Variants in FCHO2 observed in about 807,000 individuals in gnomAD.
FCHO2 encodes F-BAR domain only protein 2.
In FCHO2, 43 loss-of-function variants were observed where a neutral mutation model predicts 114.1. The observed-to-expected ratio is 0.38, with a 90% CI of 0.30 to 0.49. The LOEUF (loss-of-function observed/expected upper bound fraction) is 0.49, where lower values mean the gene tolerates loss of function less well. FCHO2 is among the 20% of genes least tolerant of loss of function. The probability of loss-of-function intolerance (pLI) is 0.97; values close to 1 mark genes in which losing one functional copy is unlikely to be tolerated. For synonymous variants in FCHO2, 293 were observed against 315.2 expected (o/e 0.93, Z 0.75); for missense variants, 807 against 950.4 (o/e 0.85, Z 1.98).
rs1404498495 is a variant in FCHO2, at chr5:73,052,393, G to T, written c.1059G>T (p.Lys353Asn). 6.2e-7 allele frequency: 1 copy of T among 1,607,638 alleles called. No individual in the cohort carries two copies. The highest frequency in any genetic ancestry group is 1.3e-5 in the African/African-American group (1 of 74,982). Residue 353 changes from lysine to asparagine, a missense_variant, in exon 13 of 26, where the codon AAG becomes AAT. Transcript: ENST00000430046. ...CTGACTCCGAAGATGAAGAACCAAA[G>T]AAGTATCGGATAGAAATTAAGCCTA... is the stretch of plus-strand genomic sequence containing the variant. ...SDSDSEDEEP[K>N]KYRIEIKPMH...
At chr5:73,061,116 T>C (rs1452330612) in intron 17 of FCHO2, among the ~76,000 whole-genome samples, 1 of 152,018 alleles carries the variant, frequency 6.6e-6, no homozygotes, top group Admixed American at 6.6e-5. Flanking sequence ...GGCAGTTTTA[T>C]CACTGGACAA....
intron 13 of FCHO2, 135 bp from the exon 14 acceptor site, chr5:73,054,025 C>A: frequency 2.0e-6 from 1 of 492,710 alleles, no homozygotes; most frequent in Non-Finnish European, 3.3e-6. Flanking sequence ...TAACTTTTTC[C>A]CACCTGACAG....
chr5:73,059,817 A>G (rs1043768803), intron 17 of FCHO2, among the ~76,000 whole-genome samples: 1 of 151,902 alleles, frequency 6.6e-6, no homozygotes, highest in African/African-American at 2.4e-5. Context: ...AACCATATAT[A>G]TATTATATGA....
chr5:73,078,446 C>A, intron 22 of FCHO2, 134 bp downstream of exon 22: 2 of 846,778 alleles, frequency 2.4e-6, no homozygotes, highest in Non-Finnish European at 3.6e-6. Context: ...ATTAGAAAAT[C>A]TGTTTATAAG....
chr5:72,995,065 A>G (rs1754012604), intron 5 of FCHO2, among the ~76,000 whole-genome samples: 1 of 152,056 alleles, frequency 6.6e-6, no homozygotes. Flanking sequence ...CCCCCGTGAC[A>G]CACAGTTTAC....
At chr5:72,997,426 C>T (rs1283302117) in intron 5 of FCHO2, 1 of 1,599,952 alleles carries the variant, frequency 6.3e-7, no homozygotes, top group Non-Finnish European at 8.6e-7. Flanking sequence ...TCAAGGACCT[C>T]TCTTTGGTCC....
chr5:73,045,069 C>CAAA (rs1756993187), intron 11 of FCHO2, among the ~76,000 whole-genome samples: 1 of 152,192 alleles, frequency 6.6e-6, no homozygotes, highest in Non-Finnish European at 1.5e-5. Flanking sequence ...AATAAAGATG[C>CAAA]ATAGAAGGTT....
rs202027215 is a variant in FCHO2 at position 73,023,844 on chromosome 5, T to G, written c.796+6536T>G. Reference sequence around the variant, plus strand: ...TTTTGTCAGTTCTTAGAAATTTTGCTAACTCAACATATGGGGATTGCTGAA... The same window carrying G: ...TTTTGTCAGTTCTTAGAAATTTTGCGAACTCAACATATGGGGATTGCTGAA... On this transcript the variant is annotated intron_variant, in intron 8 of 25. Coordinates refer to ENST00000430046, the MANE Select transcript of FCHO2 (RefSeq NM_138782.3). 2.6e-5 allele frequency among the ~76,000 whole-genome samples: 4 copies of G among 152,232 alleles called. No homozygotes were observed. The East Asian group carries it at 7.7e-4, about 29-fold the overall frequency.
chr5:72,970,486 A>G (rs1206655370), intron 2 of FCHO2, among the ~76,000 whole-genome samples: 1 of 133,418 alleles, frequency 7.5e-6, no homozygotes, highest in Non-Finnish European at 1.6e-5. Context: ...TTTTTTTTTT[A>G]TTTAGAACTT....
intron 17 of FCHO2, among the ~76,000 whole-genome samples, chr5:73,061,477 A>T (rs1440243538): frequency 6.6e-6 from 1 of 151,860 alleles, no homozygotes; most frequent in African/African-American, 2.4e-5. Context: ...CTTCTTCTTC[A>T]TCTGAACTTG....
At chr5:73,006,168 A>G (rs1035470787) in intron 5 of FCHO2, among the ~76,000 whole-genome samples, 19 of 152,168 alleles carry the variant, frequency 1.2e-4, no homozygotes, top group African/African-American at 4.6e-4. Context: ...TAATTATGCA[A>G]TCTTAGTCTG....
At chr5:73,043,012 A>G (rs1437361378) in intron 11 of FCHO2, among the ~76,000 whole-genome samples, 3 of 152,112 alleles carry the variant, frequency 2.0e-5, no homozygotes, top group Admixed American at 6.5e-5. Flanking sequence ...CACTGTAACC[A>G]TGAACTCCTG....
At chr5:72,979,164 T>A (rs989755100) in intron 2 of FCHO2, among the ~76,000 whole-genome samples, 114 of 152,256 alleles carry the variant, frequency 7.5e-4, no homozygotes, top group African/African-American at 2.6e-3. Flanking sequence ...TTCTATTGTT[T>A]GGAATAGTTT....
intron 6 of FCHO2, among the ~76,000 whole-genome samples, chr5:73,007,566 G>A (rs1754785691): frequency 6.6e-6 from 1 of 152,162 alleles, no homozygotes; most frequent in Non-Finnish European, 1.5e-5. Flanking sequence ...TCTTCATTAT[G>A]TCTTCCCATT....
At chr5:73,074,428 G>A (rs1232378642) in intron 19 of FCHO2, among the ~76,000 whole-genome samples, 1 of 152,004 alleles carries the variant, frequency 6.6e-6, no homozygotes, top group Non-Finnish European at 1.5e-5. Context: ...GTATTTGAAT[G>A]TTTTTGAAGC....
Position 73,088,682 on chromosome 5 carries a change from A to T in FCHO2, c.*592A>T, listed in dbSNP as rs1344693232. 1 of 152,778 alleles carries T rather than the reference A, an allele frequency of 6.5e-6. No homozygotes were observed. Among genetic ancestry groups the T allele is most frequent in the South Asian group, 2.1e-4 (1 of 4,834 alleles). The allele number at this position is 152,778 out of a possible 1,614,324, so 9.5% of individuals were successfully genotyped here. A position where few individuals can be genotyped will look rare whatever the true frequency, so the allele number is the denominator to read the frequency against. On this transcript the variant is annotated 3_prime_UTR_variant, in exon 26 of 26. Transcript: ENST00000430046. ...TAATAAAGTATAAGTGATGTTTTAT[A>T]TGATTTTTAAAAAAAATTCTCAAGT...
Position 73,024,587 on chromosome 5 carries a change from C to T in FCHO2, c.796+7279C>T, listed in dbSNP as rs563897410. Among the ~76,000 whole-genome samples, 10 of 152,060 alleles carry T rather than the reference C, an allele frequency of 6.6e-5. No homozygotes were observed. In the South Asian group the frequency reaches 1.7e-3, roughly 25 times the overall value. On this transcript the variant is annotated intron_variant, in intron 8 of 25. Coordinates refer to ENST00000430046, the MANE Select transcript of FCHO2 (RefSeq NM_138782.3). ...CCGAGTAGCTGGGATTACAGGTGCC[C>T]ACCACCACACCTGGCTAATTTTTGT...
chr5:73,036,783 T>C (rs1756533951), intron 9 of FCHO2, among the ~76,000 whole-genome samples: 1 of 152,234 alleles, frequency 6.6e-6, no homozygotes, highest in African/African-American at 2.4e-5. Context: ...TTTATAACAT[T>C]ATTTGACGTT....
At chr5:73,020,812 C>T (rs1755574785) in intron 8 of FCHO2, 1 of 919,522 alleles carries the variant, frequency 1.1e-6, no homozygotes, top group African/African-American at 1.6e-5. Context: ...TTGAATGGTC[C>T]TGTCTGCGAT....
Sources: allele counts gnomAD v4.1 joint callset (sites outside exome capture counted in the v4.1 genomes callset), GRCh38; gene constraint gnomAD v4.1.1; transcripts MANE v1.5; gene names NCBI Gene and HGNC (gene_info 2026-07-23, HGNC 2026-07-21).